The following CFAP61 variants were observed in gnomAD, a reference collection of about 807,000 sequenced individuals.
CFAP61 encodes the protein cilia and flagella associated protein 61.
Under a neutral mutation model 135.6 loss-of-function variants are expected in CFAP61, and 107 were observed. The observed-to-expected ratio is 0.79, with a 90% CI of 0.67 to 0.93. The LOEUF is 0.93. Among genes scored for constraint, CFAP61 ranks in the 40% least tolerant of loss-of-function variants. The pLI, the probability that CFAP61 is intolerant of heterozygous loss-of-function variation, is 0.00. For missense variants in CFAP61, 1,507 were observed against 1,556.2 expected, an observed-to-expected ratio of 0.97 and a Z score of 0.53; for synonymous variants, 575 against 578.5, an observed-to-expected ratio of 0.99 and a Z score of 0.09.
chr20:20,200,824 TCTTA>T (rs2056578851), intron 17 of CFAP61: 2 of 985,282 alleles, frequency 2.0e-6, no homozygotes, highest in Admixed American at 1.2e-4. Context: ...CCAGAGCCTG[TCTTA>T]CTTGTGCGTG....
At chr20:20,090,762 A>T in intron 6 of CFAP61, 82 bp from the exon 7 acceptor site, 1 of 1,418,108 alleles carries the variant, frequency 7.1e-7, no homozygotes, top group Non-Finnish European at 9.8e-7. Context: ...CACTTAGAAC[A>T]GGGTCTGGCA....
At chr20:20,182,340 C>T (rs1168017556) in intron 13 of CFAP61, among the ~76,000 whole-genome samples, 1 of 152,118 alleles carries the variant, frequency 6.6e-6, no homozygotes, top group Admixed American at 6.5e-5. Context: ...ACAACTTTGT[C>T]TTAAAGTCAT....
chr20:20,098,662 G>C lies in CFAP61; in HGVS notation c.707G>C (p.Gly236Ala). The C allele has an allele frequency of 6.3e-7, 1 of 1,596,432 alleles. No homozygotes were observed. The highest frequency in any genetic ancestry group is 8.5e-7 in the Non-Finnish European group (1 of 1,174,286). ...ENHAVVCEVE[G>A]TAVGFMSVCS... Reference sequence around the variant, plus strand: ...GTGTTTTGGATATTTCAGGTGGAAGGCACAGCTGTTGGGTTCATGAGTGTG... The same window carrying C: ...GTGTTTTGGATATTTCAGGTGGAAGCCACAGCTGTTGGGTTCATGAGTGTG... The change falls in exon 8 of 27, where the codon GGC (glycine) becomes GCC (alanine). Residue 236 changes from glycine (G) to alanine (A), a missense_variant. Transcript: ENST00000245957.
At chr20:20,322,101 T>G (rs1313300505) in intron 25 of CFAP61, among the ~76,000 whole-genome samples, 1 of 152,136 alleles carries the variant, frequency 6.6e-6, no homozygotes, top group African/African-American at 2.4e-5. Flanking sequence ...AGCCTTCAAG[T>G]CATCCCAACC....
chr20:20,248,943 A>G (rs577698715), intron 19 of CFAP61, among the ~76,000 whole-genome samples: 36 of 152,318 alleles, frequency 2.4e-4, no homozygotes, highest in Non-Finnish European at 4.4e-4. Flanking sequence ...CTATGAAGAC[A>G]GTCTTTCACA....
rs189474244 is a variant in CFAP61 at position 20,196,293 on chromosome 20, C to T, written c.1591-277C>T. On this transcript the variant is annotated intron_variant, in intron 15 of 26. Coordinates refer to ENST00000245957, the MANE Select transcript of CFAP61 (RefSeq NM_015585.4). Reference sequence around the variant, plus strand: ...TGCCGCTTGGCCAATGGCACAGACTCGGGGCTCTCTGAGTTGATAGCAGCC... The same window carrying T: ...TGCCGCTTGGCCAATGGCACAGACTTGGGGCTCTCTGAGTTGATAGCAGCC... 3.9e-5 allele frequency among the ~76,000 whole-genome samples: 6 copies of T among 152,220 alleles called. No homozygotes were observed. The East Asian group carries it at 9.7e-4, about 25-fold the overall frequency.
intron 8 of CFAP61, 107 bp downstream of exon 8, chr20:20,098,921 C>T: frequency 1.0e-6 from 1 of 994,270 alleles, no homozygotes; most frequent in Non-Finnish European, 1.4e-6. Context: ...ATATTTCCTT[C>T]CCCAGTTCCC....
intron 13 of CFAP61, 108 bp from the exon 14 acceptor site, chr20:20,187,822 T>C (rs2055620693): frequency 1.2e-6 from 1 of 822,554 alleles, no homozygotes; most frequent in East Asian, 2.5e-5. Flanking sequence ...AAACATACTT[T>C]ACTGGATATT....
At chr20:20,335,415 C>T (rs1033199743) in intron 25 of CFAP61, among the ~76,000 whole-genome samples, 3 of 152,202 alleles carry the variant, frequency 2.0e-5, no homozygotes, top group Admixed American at 2.0e-4. Context: ...TACATCATAT[C>T]TAAAATAAAT....
chr20:20,141,958 C>A (rs1232529000), intron 8 of CFAP61, among the ~76,000 whole-genome samples: 1 of 152,094 alleles, frequency 6.6e-6, no homozygotes, highest in African/African-American at 2.4e-5. Flanking sequence ...AGCAGGGTGT[C>A]CTAGGGCTGC....
chr20:20,094,581 C>T (rs1477443984), intron 7 of CFAP61: 1 of 152,306 alleles, frequency 6.6e-6, no homozygotes, highest in Non-Finnish European at 1.5e-5. Context: ...ATGTTTCACA[C>T]TTTCAGTGTG....
chr20:20,304,604 C>T (rs1256470741), intron 25 of CFAP61, among the ~76,000 whole-genome samples: 1 of 151,746 alleles, frequency 6.6e-6, no homozygotes, highest in Non-Finnish European at 1.5e-5. Flanking sequence ...CACACCTGCA[C>T]CCGCCTCTCC....
chr20:20,134,434 C>A (rs1275489191), intron 8 of CFAP61, among the ~76,000 whole-genome samples: 1 of 152,156 alleles, frequency 6.6e-6, no homozygotes, highest in Non-Finnish European at 1.5e-5. Context: ...CAATCAAGAC[C>A]TTGCATGCCT....
chr20:20,165,631 C>T (rs2053767652), intron 11 of CFAP61, among the ~76,000 whole-genome samples: 1 of 151,988 alleles, frequency 6.6e-6, no homozygotes, highest in Admixed American at 6.6e-5. Context: ...CTCATCTGTT[C>T]ACAGAACCAT....
At chr20:20,064,032 A>ACCCACCACCCCC (rs373522191) in intron 2 of CFAP61, among the ~76,000 whole-genome samples, 1 of 113,222 alleles carries the variant, frequency 8.8e-6, no homozygotes, top group Admixed American at 9.5e-5. Flanking sequence ...AAATAGAGTA[A>ACCCACCACCCCC]CCGCCCCCCA....
chr20:20,242,278 G>T (rs1369091056), intron 18 of CFAP61, among the ~76,000 whole-genome samples: 4 of 152,050 alleles, frequency 2.6e-5, no homozygotes, highest in African/African-American at 7.2e-5. Context: ...ACTAAGAAGA[G>T]ATTTTAGAAA....
At chr20:20,227,959 T>A (rs764128562) in intron 17 of CFAP61, among the ~76,000 whole-genome samples, 5 of 152,212 alleles carry the variant, frequency 3.3e-5, no homozygotes, top group Admixed American at 6.5e-5. Flanking sequence ...TTGTCTCTAA[T>A]CATTAAGGAT....
intron 18 of CFAP61, among the ~76,000 whole-genome samples, chr20:20,237,189 C>T (rs887128546): frequency 6.6e-6 from 1 of 152,170 alleles, no homozygotes; most frequent in African/African-American, 2.4e-5. Flanking sequence ...CTTATCCTGG[C>T]CACCATGCCC....
At chr20:20,245,480 C>T (rs1381587195) in intron 18 of CFAP61, among the ~76,000 whole-genome samples, 3 of 152,194 alleles carry the variant, frequency 2.0e-5, no homozygotes, top group South Asian at 4.1e-4. Context: ...TACTCACTAT[C>T]ATGAGAACAG....
Sources: gnomAD v4.1 joint callset for allele counts (sites outside exome capture counted in the v4.1 genomes callset) on GRCh38, gnomAD v4.1.1 for gene constraint, MANE v1.5 for transcripts, NCBI Gene and HGNC (gene_info 2026-07-23, HGNC 2026-07-21) for gene names.